The following SSH2 variants were observed in gnomAD, a reference collection of about 807,000 sequenced individuals.
The protein encoded by SSH2 is protein phosphatase Slingshot homolog 2.
A neutral mutation model predicts 135.2 loss-of-function variants in SSH2; 37 were observed. The ratio of observed to expected loss-of-function variants is 0.27; its 90% CI spans 0.21 to 0.36. The LOEUF (loss-of-function observed/expected upper bound fraction) is 0.36, where lower values mean the gene tolerates loss of function less well. Among genes scored for constraint, SSH2 ranks in the 10% least tolerant of loss-of-function variants. The pLI, the probability that SSH2 is intolerant of heterozygous loss-of-function variation, is 1.00. For synonymous variants in SSH2, 628 were observed against 646.2 expected (o/e 0.97, Z 0.43); for missense variants, 1,408 against 1,765.3 (o/e 0.80, Z 3.63).
rs1491105093 is a variant in SSH2, at chr17:29,913,348, A to AAAAAAAAAAAAAAAAAT, written c.63+16589_63+16590insATTTTTTTTTTTTTTTT. Reference sequence around the variant, plus strand: ...AAAAAAAAAAAAAAAAAAAAAAAAAATATATATATATATATATATATATAT... The same window carrying AAAAAAAAAAAAAAAAAT: ...AAAAAAAAAAAAAAAAAAAAAAAAAAAAAAAAAAAAAAAAAATTATATATATATATATATATATATAT... On this transcript the variant is annotated intron_variant, in intron 1 of 15. Coordinates refer to ENST00000540801, the MANE Select transcript of SSH2 (RefSeq NM_001282129.2). 1.5e-4 allele frequency among the ~76,000 whole-genome samples: 2 copies of AAAAAAAAAAAAAAAAAT among 13,694 alleles called. 1 individual carries two copies. Among genetic ancestry groups the AAAAAAAAAAAAAAAAAT allele is most frequent in the Non-Finnish European group, 2.6e-4 (2 of 7,688 alleles). The allele number at this position is 13,694 out of a possible 152,430, so 9.0% of individuals were successfully genotyped here. A position where few individuals can be genotyped will look rare whatever the true frequency, so the allele number is the denominator to read the frequency against.
chr17:29,810,777 A>G lies in SSH2; in HGVS notation c.145-16840T>C, dbSNP rs191391666. 2.0e-5 allele frequency among the ~76,000 whole-genome samples: 3 copies of G among 152,294 alleles called. No homozygotes were observed. In the East Asian group the frequency reaches 5.8e-4, roughly 29 times the overall value. ...CTCATCTTTTAATTTTGAGTGCACAATTTCACCCACTTAGTCTTCCAAATG... is the reference window on the plus strand; with the variant it reads ...CTCATCTTTTAATTTTGAGTGCACAGTTTCACCCACTTAGTCTTCCAAATG... On this transcript the variant is annotated intron_variant, in intron 2 of 15. Coordinates refer to ENST00000540801, the MANE Select transcript of SSH2 (RefSeq NM_001282129.2).
At chr17:29,845,661 C>T (rs1292329333) in intron 2 of SSH2, among the ~76,000 whole-genome samples, 1 of 150,602 alleles carries the variant, frequency 6.6e-6, no homozygotes, top group Non-Finnish European at 1.5e-5. Flanking sequence ...AGTGCAATGG[C>T]ATATCCTTCC....
chr17:29,657,574 GTTTTTTT>G (rs764763821), intron 11 of SSH2, among the ~76,000 whole-genome samples: 4 of 80,070 alleles, frequency 5.0e-5, no homozygotes, highest in East Asian at 4.1e-4. Flanking sequence ...CGGCTACTTT[GTTTTTTT>G]TTTTTTTTTT....
intron 3 of SSH2, among the ~76,000 whole-genome samples, chr17:29,785,693 G>A (rs1382495915): frequency 2.0e-5 from 3 of 151,196 alleles, no homozygotes; most frequent in Non-Finnish European, 4.4e-5. Context: ...AGGGATGGGG[G>A]TTTTGCCATG....
At chr17:29,685,158 C>A (rs2038161165) in intron 5 of SSH2, among the ~76,000 whole-genome samples, 1 of 152,172 alleles carries the variant, frequency 6.6e-6, no homozygotes, top group South Asian at 2.1e-4. Flanking sequence ...TGAATTCCTG[C>A]ATGTTAATGC....
intron 3 of SSH2, among the ~76,000 whole-genome samples, chr17:29,708,589 C>CAAAAAAAAAAAA (rs61012646): frequency 2.0e-5 from 2 of 98,926 alleles, no homozygotes; most frequent in African/African-American, 3.9e-5. Flanking sequence ...AACTCTGCTT[C>CAAAAAAAAAAAA]AAAAAAAAAA....
intron 3 of SSH2, among the ~76,000 whole-genome samples, chr17:29,752,371 C>T (rs1053510297): frequency 1.3e-5 from 2 of 151,960 alleles, no homozygotes; most frequent in African/African-American, 4.8e-5. Context: ...GAAGTGTACT[C>T]CAAGCATCTG....
intron 4 of SSH2, among the ~76,000 whole-genome samples, chr17:29,696,657 GTA>G (rs1567889839): frequency 7.0e-6 from 1 of 142,358 alleles, no homozygotes; most frequent in African/African-American, 2.7e-5. Context: ...ACCTATGTAT[GTA>G]TATATATACG....
intron 3 of SSH2, among the ~76,000 whole-genome samples, chr17:29,781,473 C>CTTTTTTTTTT (rs541361010): frequency 1.4e-3 from 114 of 81,826 alleles, no homozygotes; most frequent in East Asian, 3.3e-3. Flanking sequence ...CCTGTGTTTT[C>CTTTTTTTTTT]TTTTTTTTTT....
chr17:29,659,392 C>T lies in SSH2; in HGVS notation c.1033-3785G>A, dbSNP rs191980008. Among the ~76,000 whole-genome samples, 3 of 152,328 alleles carry T rather than the reference C, an allele frequency of 2.0e-5. No homozygotes were observed. The East Asian group carries it at 5.8e-4, about 29-fold the overall frequency. On this transcript the variant is annotated intron_variant, in intron 11 of 15. Coordinates refer to ENST00000540801, the MANE Select transcript of SSH2 (RefSeq NM_001282129.2). ...TGTGGTTAAGCTTTTGAATTTTTGC[C>T]AGTCTGATAGGTGTCTCAGTGTAGT... is the stretch of plus-strand genomic sequence containing the variant.
chr17:29,922,481 T>A (rs1331164767), intron 1 of SSH2, among the ~76,000 whole-genome samples: 1 of 152,240 alleles, frequency 6.6e-6, no homozygotes, highest in African/African-American at 2.4e-5. Context: ...GTATACTTAT[T>A]AAAACAGGTA....
chr17:29,790,304 A>G (rs1473042531), intron 3 of SSH2, among the ~76,000 whole-genome samples: 1 of 152,112 alleles, frequency 6.6e-6, no homozygotes, highest in African/African-American at 2.4e-5. Flanking sequence ...AGAGACCAGA[A>G]CGTGCTCTCT....
intron 3 of SSH2, among the ~76,000 whole-genome samples, chr17:29,722,582 A>C (rs1207473202): frequency 6.6e-6 from 1 of 152,242 alleles, no homozygotes; most frequent in Admixed American, 6.5e-5. Context: ...CAATTACGCA[A>C]AAAGCTATGC....
At chr17:29,686,577 C>T (rs2038233296) in intron 5 of SSH2, among the ~76,000 whole-genome samples, 1 of 151,386 alleles carries the variant, frequency 6.6e-6, no homozygotes, top group Admixed American at 6.6e-5. Flanking sequence ...ACCATGTTGC[C>T]CAGGCTGGTC....
chr17:29,897,198 C>T (rs561912696), intron 1 of SSH2, among the ~76,000 whole-genome samples: 24 of 151,962 alleles, frequency 1.6e-4, no homozygotes, highest in Non-Finnish European at 3.1e-4. Flanking sequence ...TAAAGACCAT[C>T]GAGGCTAGGA....
chr17:29,852,000 G>A lies in SSH2; in HGVS notation c.64-3071C>T, dbSNP rs192924336. On this transcript the variant is annotated intron_variant, in intron 1 of 15. Coordinates refer to ENST00000540801, the MANE Select transcript of SSH2 (RefSeq NM_001282129.2). The stretch of plus-strand genomic sequence containing the variant: ...ACTAGCTCTTTCAAAATGACCTTTC[G>A]GCTGGGCACGGTGGCTCATGCCTGT... 2.9e-3 allele frequency among the ~76,000 whole-genome samples: 435 copies of A among 151,932 alleles called. 2 individuals are homozygous for A. Among genetic ancestry groups the A allele is most frequent in the Non-Finnish European group, 5.2e-3 (354 of 67,962 alleles).
chr17:29,877,876 A>G (rs1463334290), intron 1 of SSH2, among the ~76,000 whole-genome samples: 1 of 152,052 alleles, frequency 6.6e-6, no homozygotes, highest in African/African-American at 2.4e-5. Context: ...TGAGCCCAGG[A>G]GTTTAAGACC....
At chr17:29,758,115 C>A (rs1351109598) in intron 3 of SSH2, among the ~76,000 whole-genome samples, 1 of 152,072 alleles carries the variant, frequency 6.6e-6, no homozygotes. Flanking sequence ...AAATAAAAGA[C>A]AAATATTCCA....
At chr17:29,871,363 C>T (rs2065933640) in intron 1 of SSH2, among the ~76,000 whole-genome samples, 1 of 152,100 alleles carries the variant, frequency 6.6e-6, no homozygotes, top group South Asian at 2.1e-4. Flanking sequence ...AGAGAACTGG[C>T]AAATTTATGT....
Sources: allele counts gnomAD v4.1 joint callset (sites outside exome capture counted in the v4.1 genomes callset), GRCh38; gene constraint gnomAD v4.1.1; transcripts MANE v1.5; gene names NCBI Gene and HGNC (gene_info 2026-07-23, HGNC 2026-07-21).